CHMP3: variants seen among roughly 807,000 people sequenced by gnomAD.
CHMP3 encodes 25.1 protein.
Under a neutral mutation model 27.4 loss-of-function variants are expected in CHMP3, and 8 were observed. That is an observed-to-expected ratio of 0.29 (90% CI 0.17 to 0.53). The LOEUF (loss-of-function observed/expected upper bound fraction) is 0.53, where lower values mean the gene tolerates loss of function less well. Among genes scored for constraint, CHMP3 ranks in the 20% least tolerant of loss-of-function variants. The probability of loss-of-function intolerance (pLI) is 0.96; values close to 1 mark genes in which losing one functional copy is unlikely to be tolerated. For missense variants in CHMP3, 208 were observed against 271.5 expected, an observed-to-expected ratio of 0.77 and a Z score of 1.64; for synonymous variants, 86 against 85.5, an observed-to-expected ratio of 1.01 and a Z score of -0.03.
chr2:86,549,604 G>A (rs558259530), intron 1 of CHMP3, among the ~76,000 whole-genome samples: 12 of 148,252 alleles, frequency 8.1e-5, no homozygotes, highest in East Asian at 4.2e-4. Flanking sequence ...CAGAAGGGTC[G>A]GCCGGGAAGA....
At chr2:86,543,805 T>C (rs1676453718) in intron 1 of CHMP3, among the ~76,000 whole-genome samples, 1 of 152,244 alleles carries the variant, frequency 6.6e-6, no homozygotes, top group East Asian at 1.9e-4. Context: ...TAAAACTGTG[T>C]GGTCATACAA....
chr2:86,533,847 C>T (rs949839178), intron 2 of CHMP3, among the ~76,000 whole-genome samples: 3 of 152,126 alleles, frequency 2.0e-5, no homozygotes, highest in African/African-American at 7.2e-5. Flanking sequence ...CTGAGTGTTG[C>T]TTTTGCTGCA....
At chr2:86,543,148 T>C (rs1676428349) in intron 1 of CHMP3, among the ~76,000 whole-genome samples, 1 of 152,206 alleles carries the variant, frequency 6.6e-6, no homozygotes, top group Admixed American at 6.5e-5. Context: ...GAACAGAATT[T>C]ATGCTGAACC....
chr2:86,519,234 C>T (rs1675431984), intron 3 of CHMP3, among the ~76,000 whole-genome samples: 2 of 151,904 alleles, frequency 1.3e-5, no homozygotes, highest in African/African-American at 4.8e-5. Flanking sequence ...ATTAGCCAGG[C>T]ATGGTGGTGG....
At chr2:86,533,251 G>C (rs987850251) in intron 2 of CHMP3, among the ~76,000 whole-genome samples, 8 of 152,014 alleles carry the variant, frequency 5.3e-5, no homozygotes, top group African/African-American at 1.7e-4. Flanking sequence ...TATTTCTGTG[G>C]AATCAGTAGT....
At chr2:86,517,565 CAAAAAAAAA>C in intron 3 of CHMP3, among the ~76,000 whole-genome samples, 1 of 90,114 alleles carries the variant, frequency 1.1e-5, no homozygotes, top group African/African-American at 4.9e-5. Flanking sequence ...GACTCCGTCT[CAAAAAAAAA>C]AAAAAAAAAA....
At chr2:86,548,179 CTTTTTTTTTTT>C (rs55949258) in intron 1 of CHMP3, among the ~76,000 whole-genome samples, 2 of 116,072 alleles carry the variant, frequency 1.7e-5, no homozygotes, top group Non-Finnish European at 3.7e-5. Context: ...GAGGAGTTCT[CTTTTTTTTTTT>C]TTTTTTTTTT....
chr2:86,560,017 A>C (rs1677283282), intron 1 of CHMP3, among the ~76,000 whole-genome samples: 1 of 152,232 alleles, frequency 6.6e-6, no homozygotes, highest in African/African-American at 2.4e-5. Context: ...CTGTAATCCC[A>C]GACTTTCGGA....
chr2:86,530,755 CA>C (rs1425767789), intron 2 of CHMP3, among the ~76,000 whole-genome samples: 1 of 152,142 alleles, frequency 6.6e-6, no homozygotes, highest in East Asian at 1.9e-4. Flanking sequence ...TACTGTTTTT[CA>C]CAGTGGCTTC....
At chr2:86,548,147 C>G (rs959092587) in intron 1 of CHMP3, among the ~76,000 whole-genome samples, 3 of 145,984 alleles carry the variant, frequency 2.1e-5, no homozygotes, top group African/African-American at 7.5e-5. Flanking sequence ...TAGGAGAATA[C>G]ATTTATGATT....
chr2:86,528,118 G>C (rs2103941310), intron 3 of CHMP3, among the ~76,000 whole-genome samples: 1 of 151,928 alleles, frequency 6.6e-6, no homozygotes, highest in African/African-American at 2.4e-5. Context: ...TCATGGTTAG[G>C]CATATTTTAA....
At chr2:86,512,785 C>A (rs562522550) in intron 3 of CHMP3, among the ~76,000 whole-genome samples, 61 of 152,310 alleles carry the variant, frequency 4.0e-4, no homozygotes, top group Non-Finnish European at 7.5e-4. Flanking sequence ...AGATGTTCAA[C>A]ATCTTATGTC....
chr2:86,563,250 T>A, intron 1 of CHMP3, 54 bp downstream of exon 1: 1 of 1,596,714 alleles, frequency 6.3e-7, no homozygotes, highest in South Asian at 1.1e-5. Context: ...TTTACCAACT[T>A]CACTACGCCC....
intron 1 of CHMP3, among the ~76,000 whole-genome samples, chr2:86,556,338 C>T (rs1677120007): frequency 6.6e-6 from 1 of 152,144 alleles, no homozygotes; most frequent in African/African-American, 2.4e-5. Context: ...ATACAAGTGA[C>T]CTTAGATCAA....
rs67889930 is a variant in CHMP3 at position 86,504,500 on chromosome 2, ATTTTTTTTTTTTTTT to A, written c.*1289_*1303del. 5.8e-5 allele frequency: 6 copies of A among 103,692 alleles called. No individual in the cohort carries two copies. Among genetic ancestry groups the A allele is most frequent in the Non-Finnish European group, 1.1e-4 (6 of 54,412 alleles). The allele number at this position is 103,692 out of a possible 1,614,324, so 6.4% of individuals were successfully genotyped here. ...AGGGTCCTCTGGACTCAAAAATGAAATTTTTTTTTTTTTTTTTTTTTTTTTTTGGAGAGACAGGAT... is the reference window on the plus strand; with the variant it reads ...AGGGTCCTCTGGACTCAAAAATGAAATTTTTTTTTTTTGGAGAGACAGGAT... On this transcript the variant is annotated 3_prime_UTR_variant, in exon 6 of 6. Coordinates refer to ENST00000263856, the MANE Select transcript of CHMP3 (RefSeq NM_016079.4).
intron 2 of CHMP3, among the ~76,000 whole-genome samples, chr2:86,538,463 G>C (rs1270688366): frequency 1.3e-5 from 2 of 152,116 alleles, no homozygotes; most frequent in Non-Finnish European, 2.9e-5. Context: ...TCAGCAGCAA[G>C]ACTAGTATGA....
intron 2 of CHMP3, among the ~76,000 whole-genome samples, chr2:86,540,018 A>T (rs1239625671): frequency 6.6e-6 from 1 of 152,128 alleles, no homozygotes; most frequent in Non-Finnish European, 1.5e-5. Flanking sequence ...TTCTCACCAT[A>T]TGAAAGATAT....
intron 4 of CHMP3, among the ~76,000 whole-genome samples, chr2:86,508,927 A>G (rs915887046): frequency 6.6e-6 from 1 of 152,242 alleles, no homozygotes; most frequent in Non-Finnish European, 1.5e-5. Flanking sequence ...AGAGTCCACC[A>G]GAATCCTAAT....
intron 3 of CHMP3, 55 bp from the exon 4 acceptor site, chr2:86,510,534 C>T: frequency 1.3e-6 from 2 of 1,586,744 alleles, no homozygotes; most frequent in East Asian, 4.5e-5. Context: ...TAGAGAGAGA[C>T]AGCCAAATTA....
Sources: gnomAD v4.1 joint callset for allele counts (sites outside exome capture counted in the v4.1 genomes callset) on GRCh38, gnomAD v4.1.1 for gene constraint, MANE v1.5 for transcripts, NCBI Gene and HGNC (gene_info 2026-07-23, HGNC 2026-07-21) for gene names.